Variants in GPC5 observed in about 807,000 individuals in gnomAD.
GPC5 encodes glypican-5.
In GPC5, 47 loss-of-function variants were observed where a neutral mutation model predicts 53.9. The ratio of observed to expected loss-of-function variants is 0.87; its 90% CI spans 0.69 to 1.11. The LOEUF (loss-of-function observed/expected upper bound fraction) is 1.11, where lower values mean the gene tolerates loss of function less well. Ranked by LOEUF, GPC5 falls within the 50% of genes most tolerant of loss-of-function variation. The probability of loss-of-function intolerance (pLI) is 0.00; values close to 1 mark genes in which losing one functional copy is unlikely to be tolerated. For missense variants in GPC5, 748 were observed against 713.1 expected (o/e 1.05, Z -0.56); for synonymous variants, 286 against 263.3 (o/e 1.09, Z -0.84).
At chr13:92,275,023 A>G (rs952175951) in intron 7 of GPC5, among the ~76,000 whole-genome samples, 6 of 152,148 alleles carry the variant, frequency 3.9e-5, no homozygotes, top group Non-Finnish European at 7.4e-5. Flanking sequence ...AGAAATATGC[A>G]GAAAATCCCT....
At chr13:91,749,105 G>T (rs1177673845) in intron 4 of GPC5, among the ~76,000 whole-genome samples, 1 of 152,080 alleles carries the variant, frequency 6.6e-6, no homozygotes, top group East Asian at 1.9e-4. Flanking sequence ...GTGTAGTAGT[G>T]AAGTCTGGGC....
chr13:91,572,156 T>C (rs1408122093), intron 2 of GPC5, among the ~76,000 whole-genome samples: 5 of 134,064 alleles, frequency 3.7e-5, no homozygotes, highest in African/African-American at 1.4e-4. Context: ...TATACGTGTG[T>C]ATACACACAC....
intron 6 of GPC5, among the ~76,000 whole-genome samples, chr13:91,940,517 G>A (rs1437773774): frequency 2.6e-5 from 4 of 152,006 alleles, no homozygotes; most frequent in Non-Finnish European, 1.5e-5. Context: ...CCTAGTAATG[G>A]GATTGCTGAG....
intron 7 of GPC5, among the ~76,000 whole-genome samples, chr13:92,700,125 A>G (rs1887681024): frequency 6.6e-6 from 1 of 152,086 alleles, no homozygotes; most frequent in African/African-American, 2.4e-5. Context: ...TATTGGGTGC[A>G]TATATTTTGG....
At chr13:92,592,498 T>A (rs893112496) in intron 7 of GPC5, among the ~76,000 whole-genome samples, 1 of 151,022 alleles carries the variant, frequency 6.6e-6, no homozygotes, top group Non-Finnish European at 1.5e-5. Context: ...GGGGATGGAG[T>A]GGTAAGGACC....
Position 91,726,022 on chromosome 13 carries a change from G to A in GPC5, c.1021-2510G>A, listed in dbSNP as rs185121382. On this transcript the variant is annotated intron_variant, in intron 3 of 7. Transcript: ENST00000377067. ...CTTAAAACCACTGTCAACTTAGATC[G>A]TCTTCCTTGGGTTCTTGTTACTAGG... Among the ~76,000 whole-genome samples, 131 of 152,242 alleles carry A rather than the reference G, an allele frequency of 8.6e-4. 1 individual carries two copies. The highest frequency in any genetic ancestry group is 2.3e-3 in the South Asian group (11 of 4,818).
intron 7 of GPC5, among the ~76,000 whole-genome samples, chr13:92,515,673 T>C (rs1880746875): frequency 6.6e-6 from 1 of 152,132 alleles, no homozygotes. Flanking sequence ...ATGAACCCAA[T>C]CAATAAGACA....
At chr13:91,601,030 A>G (rs2033164525) in intron 2 of GPC5, among the ~76,000 whole-genome samples, 1 of 152,178 alleles carries the variant, frequency 6.6e-6, no homozygotes, top group Non-Finnish European at 1.5e-5. Context: ...GTCTGGAACT[A>G]TGTTCAAGAC....
chr13:92,547,527 ACAG>A (rs903579632), intron 7 of GPC5, among the ~76,000 whole-genome samples: 39 of 152,268 alleles, frequency 2.6e-4, no homozygotes, highest in African/African-American at 9.1e-4. Context: ...CAGGAGTAAA[ACAG>A]CAGAATTTTA....
chr13:91,501,084 C>G lies in GPC5; in HGVS notation c.325+52162C>G, dbSNP rs529846977. On this transcript the variant is annotated intron_variant, in intron 2 of 7. Coordinates refer to ENST00000377067, the MANE Select transcript of GPC5 (RefSeq NM_004466.6). The stretch of plus-strand genomic sequence containing the variant: ...GTAAATTACCCAGTCTTGGGTATGT[C>G]TTTATTGGCAGTGTGAAAACAGGCT... 2.0e-5 allele frequency among the ~76,000 whole-genome samples: 3 copies of G among 152,192 alleles called. No individual in the cohort carries two copies. The South Asian group carries it at 6.2e-4, about 32-fold the overall frequency.
At chr13:92,612,694 A>G (rs1416391540) in intron 7 of GPC5, among the ~76,000 whole-genome samples, 2 of 152,104 alleles carry the variant, frequency 1.3e-5, no homozygotes, top group South Asian at 2.1e-4. Context: ...CAAAATGTGC[A>G]TTCATTCTCC....
chr13:91,783,500 C>A (rs948870064), intron 5 of GPC5, among the ~76,000 whole-genome samples: 8 of 152,078 alleles, frequency 5.3e-5, no homozygotes, highest in Non-Finnish European at 1.2e-4. Flanking sequence ...GTGGAACAAC[C>A]TCGGCTAACT....
At chr13:92,182,945 C>T (rs2042158442) in intron 7 of GPC5, among the ~76,000 whole-genome samples, 1 of 151,878 alleles carries the variant, frequency 6.6e-6, no homozygotes, top group Non-Finnish European at 1.5e-5. Flanking sequence ...ACAAAGGTGG[C>T]AGAAGAAACT....
chr13:91,621,761 T>TTATATATATATATATATATATATA (rs1555331079), intron 2 of GPC5, among the ~76,000 whole-genome samples: 1 of 46,866 alleles, frequency 2.1e-5, no homozygotes, highest in African/African-American at 5.6e-5. Context: ...GGACAGAACA[T>TTATATATATATATATATATATATA]TATATATATA....
At chr13:91,948,782 G>A (rs1299802791) in intron 6 of GPC5, among the ~76,000 whole-genome samples, 2 of 152,198 alleles carry the variant, frequency 1.3e-5, no homozygotes, top group African/African-American at 2.4e-5. Context: ...TCTAGCATAT[G>A]TTAAATACAA....
intron 6 of GPC5, among the ~76,000 whole-genome samples, chr13:92,010,138 C>A (rs1377591211): frequency 6.6e-6 from 1 of 152,138 alleles, no homozygotes; most frequent in African/African-American, 2.4e-5. Context: ...AACATTATTA[C>A]CCTGTTTGGG....
chr13:92,009,543 A>T (rs2040641569), intron 6 of GPC5, among the ~76,000 whole-genome samples: 1 of 152,192 alleles, frequency 6.6e-6, no homozygotes, highest in Non-Finnish European at 1.5e-5. Flanking sequence ...ATTCTTGCTC[A>T]GGCAGGTAGA....
At chr13:92,315,796 G>C (rs2043175505) in intron 7 of GPC5, among the ~76,000 whole-genome samples, 1 of 152,100 alleles carries the variant, frequency 6.6e-6, no homozygotes, top group Admixed American at 6.6e-5. Context: ...TTTATTTTTT[G>C]CTGTACTTTA....
intron 7 of GPC5, among the ~76,000 whole-genome samples, chr13:92,785,736 GAC>G (rs1876208562): frequency 6.6e-6 from 1 of 152,168 alleles, no homozygotes; most frequent in Non-Finnish European, 1.5e-5. Context: ...CTAGACTCAA[GAC>G]ACAGACTGCT....
Sources: gnomAD v4.1 joint callset for allele counts (sites outside exome capture counted in the v4.1 genomes callset) on GRCh38, gnomAD v4.1.1 for gene constraint, MANE v1.5 for transcripts, NCBI Gene and HGNC (gene_info 2026-07-23, HGNC 2026-07-21) for gene names.